GABRB2: variants seen among roughly 807,000 people sequenced by gnomAD.
The protein encoded by GABRB2 is gamma-aminobutyric acid receptor subunit beta-2.
GABRB2 carries 16 observed loss-of-function variants against 54.7 expected under a neutral mutation model. The observed-to-expected ratio is 0.29, with a 90% CI of 0.20 to 0.44. GABRB2 has a LOEUF of 0.44. GABRB2 is among the 20% of genes least tolerant of loss of function. The probability of loss-of-function intolerance (pLI) is 1.00; values close to 1 mark genes in which losing one functional copy is unlikely to be tolerated. For missense variants in GABRB2, 355 were observed against 644.0 expected, an observed-to-expected ratio of 0.55 and a Z score of 4.86; for synonymous variants, 244 against 233.8, an observed-to-expected ratio of 1.04 and a Z score of -0.40.
chr5:161,366,658 G>A (rs2113460810), intron 5 of GABRB2, among the ~76,000 whole-genome samples: 1 of 152,216 alleles, frequency 6.6e-6, no homozygotes, highest in African/African-American at 2.4e-5. Context: ...AGAAAAGTAA[G>A]AACAAGGCCA....
Position 161,463,551 on chromosome 5 carries a change from TTATTTATATATATA to T in GABRB2, c.238-3721_238-3708del, listed in dbSNP as rs1180578335. On this transcript the variant is annotated intron_variant, in intron 3 of 9. Coordinates refer to ENST00000393959, the MANE Select transcript of GABRB2 (RefSeq NM_001371727.1). Reference sequence around the variant, plus strand: ...GTTGACAAGGTGATTCCAAATATTTTTATTTATATATATATATATATATATATATATATATATAT... The same window carrying T: ...GTTGACAAGGTGATTCCAAATATTTTTATATATATATATATATATATATAT... 2.8e-3 allele frequency among the ~76,000 whole-genome samples: 84 copies of T among 30,262 alleles called. 3 individuals carry two copies. Among genetic ancestry groups the T allele is most frequent in the South Asian group, 0.011 (6 of 556 alleles). The allele number at this position is 30,262 out of a possible 152,430, so 19.9% of individuals were successfully genotyped here.
chr5:161,338,117 A>ATT (rs927134807), intron 5 of GABRB2, among the ~76,000 whole-genome samples: 1 of 151,626 alleles, frequency 6.6e-6, no homozygotes, highest in Admixed American at 6.6e-5. Context: ...GTAGAAACAA[A>ATT]TTTTTTTTTC....
intron 5 of GABRB2, among the ~76,000 whole-genome samples, chr5:161,364,886 G>A (rs529739704): frequency 4.6e-5 from 7 of 151,992 alleles, no homozygotes; most frequent in African/African-American, 1.4e-4. Flanking sequence ...CAGCCATTCC[G>A]TAAGTACTTT....
intron 3 of GABRB2, among the ~76,000 whole-genome samples, chr5:161,528,126 T>C (rs1239450290): frequency 6.6e-6 from 1 of 151,728 alleles, no homozygotes; most frequent in Non-Finnish European, 1.5e-5. Flanking sequence ...GCAACTGTTA[T>C]AAAAATTATA....
intron 3 of GABRB2, among the ~76,000 whole-genome samples, chr5:161,487,913 A>C (rs778425088): frequency 6.6e-6 from 1 of 151,750 alleles, no homozygotes; most frequent in Non-Finnish European, 1.5e-5. Context: ...AGTTCCTAAC[A>C]CTGAAAAGCT....
chr5:161,322,753 C>A (rs1758248430), intron 9 of GABRB2, among the ~76,000 whole-genome samples: 1 of 152,142 alleles, frequency 6.6e-6, no homozygotes, highest in Admixed American at 6.5e-5. Flanking sequence ...ACAGCCTGAA[C>A]TTTGTGCTAC....
chr5:161,459,897 G>C (rs1398963607), intron 3 of GABRB2, 53 bp from the exon 4 acceptor site: 2 of 1,034,460 alleles, frequency 1.9e-6, no homozygotes, highest in African/African-American at 3.2e-5. Context: ...ACAGATCTGG[G>C]GGATAAGCAA....
intron 9 of GABRB2, among the ~76,000 whole-genome samples, chr5:161,319,535 G>T (rs1241388952): frequency 6.6e-6 from 1 of 150,866 alleles, no homozygotes; most frequent in Non-Finnish European, 1.5e-5. Context: ...TTTGCTTTCT[G>T]TATTTTCCTG....
intron 5 of GABRB2, among the ~76,000 whole-genome samples, chr5:161,348,980 T>C (rs981119009): frequency 6.6e-6 from 1 of 152,232 alleles, no homozygotes; most frequent in African/African-American, 2.4e-5. Flanking sequence ...TGTGAATAAG[T>C]GAATTGCCAA....
At chr5:161,329,694 A>C (rs1030921142) in intron 8 of GABRB2, 1 of 152,230 alleles carries the variant, frequency 6.6e-6, no homozygotes, top group African/African-American at 2.4e-5. Context: ...TGTTATAATT[A>C]ATAATTCCAA....
At chr5:161,451,568 G>C (rs1210888095) in intron 4 of GABRB2, among the ~76,000 whole-genome samples, 1 of 152,094 alleles carries the variant, frequency 6.6e-6, no homozygotes, top group Non-Finnish European at 1.5e-5. Context: ...AAAATAAGAA[G>C]TAAATTTTAA....
chr5:161,475,333 A>G (rs1561663649), intron 3 of GABRB2, among the ~76,000 whole-genome samples: 1 of 151,922 alleles, frequency 6.6e-6, no homozygotes, highest in Non-Finnish European at 1.5e-5. Flanking sequence ...CTTTATTATT[A>G]TTATTCCTCA....
chr5:161,375,964 C>T (rs1162965508), intron 5 of GABRB2, among the ~76,000 whole-genome samples: 2 of 152,086 alleles, frequency 1.3e-5, no homozygotes, highest in East Asian at 3.9e-4. Context: ...CCTTCTGTTG[C>T]TTATTCTATT....
chr5:161,303,396 T>C (rs1247155824), intron 9 of GABRB2, among the ~76,000 whole-genome samples: 1 of 152,196 alleles, frequency 6.6e-6, no homozygotes, highest in African/African-American at 2.4e-5. Flanking sequence ...GTTTCCTTAG[T>C]AAACAAAACC....
At chr5:161,399,207 TA>T (rs1211314332) in intron 5 of GABRB2, among the ~76,000 whole-genome samples, 1 of 152,260 alleles carries the variant, frequency 6.6e-6, no homozygotes, top group East Asian at 1.9e-4. Context: ...GTTAGATAAA[TA>T]AACAAGGAAA....
At chr5:161,402,443 A>T (rs1456770209) in intron 5 of GABRB2, among the ~76,000 whole-genome samples, 1 of 152,182 alleles carries the variant, frequency 6.6e-6, no homozygotes, top group African/African-American at 2.4e-5. Context: ...TCTCACAGGA[A>T]TAACTCTAAA....
At chr5:161,409,973 T>C (rs1445196214) in intron 5 of GABRB2, among the ~76,000 whole-genome samples, 1 of 152,132 alleles carries the variant, frequency 6.6e-6, no homozygotes, top group African/African-American at 2.4e-5. Context: ...ATCTTTTAAA[T>C]TGGGCAAAAA....
chr5:161,498,519 C>T (rs935059378), intron 3 of GABRB2, among the ~76,000 whole-genome samples: 3 of 152,084 alleles, frequency 2.0e-5, no homozygotes, highest in Middle Eastern at 3.2e-3. Context: ...CTTGCAGGTA[C>T]CCCTTTTCAA....
At chr5:161,304,459 T>G (rs113347700) in intron 9 of GABRB2, among the ~76,000 whole-genome samples, 1 of 152,216 alleles carries the variant, frequency 6.6e-6, no homozygotes, top group Non-Finnish European at 1.5e-5. Flanking sequence ...AGTGCTAGTA[T>G]TTCTTTTCCA....
Sources: allele counts gnomAD v4.1 joint callset (sites outside exome capture counted in the v4.1 genomes callset), GRCh38; gene constraint gnomAD v4.1.1; transcripts MANE v1.5; gene names NCBI Gene and HGNC (gene_info 2026-07-23, HGNC 2026-07-21).